The following PLA2G4C variants were observed in gnomAD, a reference collection of about 807,000 sequenced individuals.
PLA2G4C encodes phospholipase A2 group IVC, also known as cytosolic phospholipase A2 gamma.
PLA2G4C carries 64 observed loss-of-function variants against 73.8 expected under a neutral mutation model. The observed-to-expected ratio is 0.87, with a 90% CI of 0.71 to 1.07. The LOEUF (loss-of-function observed/expected upper bound fraction) is 1.07, where lower values mean the gene tolerates loss of function less well. Among genes scored for constraint, PLA2G4C ranks in the 50% least tolerant of loss-of-function variants. PLA2G4C has a pLI of 0.00. For missense variants in PLA2G4C, 622 were observed against 665.4 expected, an observed-to-expected ratio of 0.93 and a Z score of 0.72; for synonymous variants, 254 against 252.1, an observed-to-expected ratio of 1.01 and a Z score of -0.07.
chr19:48,110,567 C>G lies in PLA2G4C; in HGVS notation c.-113G>C. On this transcript the variant is annotated 5_prime_UTR_variant, in exon 1 of 17. Transcript: ENST00000599921. ...CCGGTGCGGAGGCTTGGGCTCCCTG[C>G]GCTTAGCGGTGTAGTCGCTGGACAG... The G allele has an allele frequency of 2.7e-6, 1 of 375,868 alleles. No homozygotes were observed. The highest frequency in any genetic ancestry group is 4.5e-5 in the South Asian group (1 of 22,428). The allele number at this position is 375,868 out of a possible 1,614,324, so 23.3% of individuals were successfully genotyped here. A position where few individuals can be genotyped will look rare whatever the true frequency, so the allele number is the denominator to read the frequency against.
intron 14 of PLA2G4C, among the ~76,000 whole-genome samples, chr19:48,060,099 C>T (rs923874232): frequency 6.6e-6 from 1 of 151,926 alleles, no homozygotes; most frequent in African/African-American, 2.4e-5. Flanking sequence ...CTTTCGGACT[C>T]GGACTGAGCC....
At chr19:48,084,028 C>T (rs947333378) in intron 10 of PLA2G4C, among the ~76,000 whole-genome samples, 3 of 125,426 alleles carry the variant, frequency 2.4e-5, no homozygotes, top group African/African-American at 5.8e-5. Flanking sequence ...GAACAGGTAA[C>T]GAATGCCAAT....
chr19:48,065,834 G>A (rs1376456287), intron 13 of PLA2G4C, among the ~76,000 whole-genome samples: 3 of 151,704 alleles, frequency 2.0e-5, no homozygotes, highest in South Asian at 4.2e-4. Flanking sequence ...GGTGGCTCAC[G>A]CCTGTAATCC....
intron 6 of PLA2G4C, 84 bp from the exon 7 acceptor site, chr19:48,095,688 G>T: frequency 7.3e-7 from 1 of 1,362,382 alleles, no homozygotes; most frequent in Non-Finnish European, 1.0e-6. Flanking sequence ...ATCTATTAAT[G>T]AGGAATTACA....
chr19:48,095,917 G>T (rs923382019), intron 6 of PLA2G4C, among the ~76,000 whole-genome samples: 1 of 152,184 alleles, frequency 6.6e-6, no homozygotes, highest in Non-Finnish European at 1.5e-5. Flanking sequence ...GAAGAGTGTA[G>T]CCACACGATT....
At chr19:48,065,449 C>G (rs1419858668) in intron 13 of PLA2G4C, among the ~76,000 whole-genome samples, 2 of 151,874 alleles carry the variant, frequency 1.3e-5, no homozygotes, top group Non-Finnish European at 2.9e-5. Context: ...AACCCTGTCT[C>G]TACTAAAAAT....
At chr19:48,077,532 C>T (rs1048469122) in intron 11 of PLA2G4C, among the ~76,000 whole-genome samples, 28 of 152,128 alleles carry the variant, frequency 1.8e-4, no homozygotes, top group African/African-American at 6.5e-4. Flanking sequence ...AAGCAATCTA[C>T]AAGTCCAGTG....
intron 1 of PLA2G4C, among the ~76,000 whole-genome samples, chr19:48,106,977 T>C (rs2032267711): frequency 6.6e-6 from 1 of 152,110 alleles, no homozygotes; most frequent in Non-Finnish European, 1.5e-5. Context: ...CCTGAGTATC[T>C]GGGATTACAG....
At chr19:48,083,578 G>A (rs1257060020) in intron 10 of PLA2G4C, among the ~76,000 whole-genome samples, 2 of 150,880 alleles carry the variant, frequency 1.3e-5, no homozygotes, top group Non-Finnish European at 3.0e-5. Flanking sequence ...TTCCCGTGTA[G>A]CTGGGATTAC....
At chr19:48,064,348 G>C (rs957168031) in intron 13 of PLA2G4C, among the ~76,000 whole-genome samples, 8 of 150,438 alleles carry the variant, frequency 5.3e-5, no homozygotes, top group African/African-American at 2.0e-4. Context: ...AGAATCGCTT[G>C]AACCCGGGAG....
chr19:48,059,641 C>T (rs1489632352), intron 14 of PLA2G4C, among the ~76,000 whole-genome samples: 1 of 152,122 alleles, frequency 6.6e-6, no homozygotes, highest in Admixed American at 6.6e-5. Context: ...CTGGATACTT[C>T]CTGCCCTTGA....
At chr19:48,085,274 C>T (rs772769533) in intron 9 of PLA2G4C, among the ~76,000 whole-genome samples, 162 bp from the exon 10 acceptor site, 5 of 152,168 alleles carry the variant, frequency 3.3e-5, no homozygotes, top group Non-Finnish European at 7.4e-5. Flanking sequence ...AATCAGTGGG[C>T]ACCCGGCACT....
chr19:48,062,087 T>C lies in PLA2G4C; in HGVS notation c.1168A>G (p.Ile390Val), dbSNP rs1250422484. 1.2e-6 allele frequency: 2 copies of C among 1,612,782 alleles called. No individual in the cohort carries two copies. The highest frequency in any genetic ancestry group is 1.3e-5 in the African/African-American group (1 of 74,808). The change falls in exon 14 of 17, where the codon ATC (isoleucine) becomes GTC (valine). Residue 390 changes from isoleucine (I) to valine (V), a missense_variant. By Grantham distance (29) the Ile-to-Val change is conservative. Transcript: ENST00000599921. ...HLHLVDAGLA[I>V]NTPFPLVLPP... ...AGCACGAGTGGGAAGGGAGTGTTGA[T>C]GGCTAAACCAGCATCCACCAGGTGG...
At chr19:48,055,120 T>C (rs1334432710) in intron 14 of PLA2G4C, 71 bp from the exon 15 acceptor site, 6 of 1,386,362 alleles carry the variant, frequency 4.3e-6, no homozygotes, top group Non-Finnish European at 5.9e-6. Flanking sequence ...CCCTGGGGCC[T>C]GGAGACCCAA....
At chr19:48,099,483 G>T (rs1306661514) in intron 5 of PLA2G4C, among the ~76,000 whole-genome samples, 188 bp downstream of exon 5, 1 of 152,090 alleles carries the variant, frequency 6.6e-6, no homozygotes, top group Non-Finnish European at 1.5e-5. Flanking sequence ...GTCAATTTCT[G>T]TCACTTGCAA....
intron 13 of PLA2G4C, among the ~76,000 whole-genome samples, chr19:48,066,874 T>G (rs1196258545): frequency 6.6e-6 from 1 of 151,352 alleles, no homozygotes; most frequent in Non-Finnish European, 1.5e-5. Flanking sequence ...GAGGCTGAAA[T>G]GGGAGGATTG....
In PLA2G4C at chr19:48,110,615, G is replaced by GTGCAGCCGTTTTCCCCAAGCCAGCCCCGT; in HGVS notation, c.-162_-161insACGGGGCTGGCTTGGGGAAAACGGCTGCA. ...CAGCTCCTTCAGCCGGAATCTCCGC[G>GTGCAGCCGTTTTCCCCAAGCCAGCCCCGT]GGTGAAGACTGCGGGGATCCTCGGT... On this transcript the variant is annotated 5_prime_UTR_variant, in exon 1 of 17. Transcript: ENST00000599921. 1.2e-6 allele frequency: 1 copy of GTGCAGCCGTTTTCCCCAAGCCAGCCCCGT among 816,534 alleles called. No homozygotes were observed. Among genetic ancestry groups the GTGCAGCCGTTTTCCCCAAGCCAGCCCCGT allele is most frequent in the Non-Finnish European group, 1.6e-6 (1 of 608,866 alleles). 50.6% of individuals were successfully genotyped at this position (816,534 alleles called of 1,614,324 possible).
chr19:48,075,787 G>T (rs6650749), intron 11 of PLA2G4C, among the ~76,000 whole-genome samples: 3,116 of 151,880 alleles, frequency 0.021, 107 homozygotes, highest in African/African-American at 0.069. Flanking sequence ...TTTCTTTTTT[G>T]TTGTTGTTGT....
At chr19:48,095,091 T>C (rs2122650075) in intron 7 of PLA2G4C, among the ~76,000 whole-genome samples, 1 of 152,284 alleles carries the variant, frequency 6.6e-6, no homozygotes, top group African/African-American at 2.4e-5. Context: ...TGTTGCTATG[T>C]TGCCGAGGTT....
Sources: gnomAD v4.1 joint callset for allele counts (sites outside exome capture counted in the v4.1 genomes callset) on GRCh38, gnomAD v4.1.1 for gene constraint, MANE v1.5 for transcripts, NCBI Gene and HGNC (gene_info 2026-07-23, HGNC 2026-07-21) for gene names.